GIGYF2: variants seen among roughly 807,000 people sequenced by gnomAD.
GIGYF2 encodes the protein GRB10 interacting GYF protein 2, also known as GRB10-interacting GYF protein 2.
Under a neutral mutation model 208.1 loss-of-function variants are expected in GIGYF2, and 25 were observed. That is an observed-to-expected ratio of 0.12 (90% CI 0.09 to 0.17). The LOEUF (loss-of-function observed/expected upper bound fraction) is 0.17, where lower values mean the gene tolerates loss of function less well. GIGYF2 is among the 10% of genes least tolerant of loss of function. GIGYF2 has a pLI of 1.00. For missense variants in GIGYF2, 1,302 were observed against 1,579.4 expected (o/e 0.82, Z 2.98); for synonymous variants, 534 against 543.8 (o/e 0.98, Z 0.25).
intron 8 of GIGYF2, among the ~76,000 whole-genome samples, chr2:232,769,848 T>G (rs550857227): frequency 3.2e-4 from 49 of 152,334 alleles, no homozygotes; most frequent in African/African-American, 1.1e-3. Context: ...GTACTATATG[T>G]GCCTTACTGA....
At chr2:232,843,930 C>A in intron 23 of GIGYF2, 116 bp from the exon 24 acceptor site, 1 of 878,654 alleles carries the variant, frequency 1.1e-6, no homozygotes, top group Non-Finnish European at 1.9e-6. Context: ...AATTTAATCC[C>A]ATCAAGTTAA....
At chr2:232,752,937 T>C (rs12105766) in intron 5 of GIGYF2, among the ~76,000 whole-genome samples, 100,037 of 151,768 alleles carry the variant, frequency 0.66, 33,300 homozygotes, top group South Asian at 0.79. Context: ...ACTCTGCCAC[T>C]TATTACTCTT....
chr2:232,853,293 A>T (rs1474140884), intron 28 of GIGYF2, among the ~76,000 whole-genome samples: 1 of 152,226 alleles, frequency 6.6e-6, no homozygotes, highest in East Asian at 1.9e-4. Flanking sequence ...ACAAACCAGC[A>T]GAGGGGGCCA....
chr2:232,743,147 T>A (rs907934692), intron 3 of GIGYF2, among the ~76,000 whole-genome samples: 2 of 152,116 alleles, frequency 1.3e-5, no homozygotes, highest in Admixed American at 1.3e-4. Flanking sequence ...CATGGTAGAA[T>A]TGGCAGTGTT....
intron 2 of GIGYF2, among the ~76,000 whole-genome samples, chr2:232,708,292 G>A (rs908113879): frequency 3.3e-5 from 5 of 152,106 alleles, no homozygotes; most frequent in Admixed American, 6.6e-5. Context: ...TTCCCATAAT[G>A]TATTATAAGA....
chr2:232,736,383 G>A (rs73995897), intron 3 of GIGYF2: 2,384 of 206,358 alleles, frequency 0.012, 70 homozygotes, highest in African/African-American at 0.053. Context: ...ATACCTTGGT[G>A]TATCTTTCCA....
intron 18 of GIGYF2, among the ~76,000 whole-genome samples, chr2:232,813,008 A>G (rs1311682027): frequency 1.3e-5 from 2 of 152,064 alleles, no homozygotes; most frequent in African/African-American, 4.8e-5. Flanking sequence ...GAAAGAAAAA[A>G]AAAAAAAGTA....
At chr2:232,821,688 T>C (rs946756573) in intron 21 of GIGYF2, among the ~76,000 whole-genome samples, 1 of 152,208 alleles carries the variant, frequency 6.6e-6, no homozygotes, top group Non-Finnish European at 1.5e-5. Flanking sequence ...TTTTTAATTT[T>C]GATGAAATCC....
intron 8 of GIGYF2, chr2:232,766,401 C>T (rs1165613800): frequency 6.1e-6 from 1 of 165,012 alleles, no homozygotes; most frequent in Non-Finnish European, 1.3e-5. Context: ...GGCAGCTTCA[C>T]TTAACAAGCG....
At chr2:232,700,570 T>C (rs1695798061) in intron 1 of GIGYF2, 1 of 152,244 alleles carries the variant, frequency 6.6e-6, no homozygotes, top group South Asian at 2.1e-4. Context: ...TTCTGTTTTA[T>C]TCTATTTCTT....
intron 14 of GIGYF2, among the ~76,000 whole-genome samples, chr2:232,799,143 T>TTTA (rs1700313257): frequency 6.6e-6 from 1 of 152,098 alleles, no homozygotes; most frequent in Admixed American, 6.6e-5. Flanking sequence ...TTTCCTTCCT[T>TTTA]TTTAAGACTG....
intron 3 of GIGYF2, chr2:232,735,840 C>G: frequency 1.0e-6 from 1 of 985,372 alleles, no homozygotes; most frequent in Non-Finnish European, 1.2e-6. Context: ...CCCCCCCTCC[C>G]CTCCTTCCTT....
At chr2:232,763,352 T>G (rs753540734) in intron 8 of GIGYF2, among the ~76,000 whole-genome samples, 4 of 152,136 alleles carry the variant, frequency 2.6e-5, no homozygotes, top group Non-Finnish European at 4.4e-5. Flanking sequence ...TTGTGGGAGA[T>G]ACATTTCAAG....
chr2:232,845,017 T>G (rs1336453110), intron 25 of GIGYF2, among the ~76,000 whole-genome samples: 1 of 152,232 alleles, frequency 6.6e-6, no homozygotes, highest in East Asian at 1.9e-4. Flanking sequence ...ATCTTCATCT[T>G]TCTTTCTTCA....
chr2:232,768,133 G>T, intron 8 of GIGYF2: 3 of 1,563,760 alleles, frequency 1.9e-6, no homozygotes, highest in Non-Finnish European at 2.6e-6. Flanking sequence ...ATACAGTAAA[G>T]AAAAAGTAGC....
intron 3 of GIGYF2, among the ~76,000 whole-genome samples, chr2:232,736,847 A>G (rs1225748822): frequency 6.6e-6 from 1 of 152,226 alleles, no homozygotes; most frequent in East Asian, 1.9e-4. Flanking sequence ...CAGCTAATTT[A>G]AGGAAGTTGT....
Position 232,844,424 on chromosome 2 carries a change from G to A in GIGYF2, c.3155G>A (p.Gly1052Asp). The A allele has an allele frequency of 6.2e-7, 1 of 1,613,628 alleles. No individual in the cohort carries two copies. Among genetic ancestry groups the A allele is most frequent in the Non-Finnish European group, 8.5e-7 (1 of 1,179,610 alleles). The change falls in exon 25 of 29, where the codon GGT (glycine) becomes GAT (aspartate). Residue 1052 changes from glycine to aspartate, a missense_variant. Coordinates refer to ENST00000373563, the MANE Select transcript of GIGYF2 (RefSeq NM_001103146.3). ...TCTGTTTGGGGCTCTATAAATACTGGTCCTCCTAACCAGTGGGCATCTGAC... is the reference window on the plus strand; with the variant it reads ...TCTGTTTGGGGCTCTATAAATACTGATCCTCCTAACCAGTGGGCATCTGAC... ...GNSVWGSINTGPPNQWASDLV... is the reference protein window; with the variant it reads ...GNSVWGSINTDPPNQWASDLV...
intron 25 of GIGYF2, 47 bp from the exon 26 acceptor site, chr2:232,845,685 A>G (rs924001383): frequency 2.7e-6 from 4 of 1,468,332 alleles, no homozygotes; most frequent in Non-Finnish European, 3.8e-6. Context: ...ATAATCATAT[A>G]GTAACAGTTT....
intron 23 of GIGYF2, 107 bp from the exon 24 acceptor site, chr2:232,843,939 A>T: frequency 1.0e-6 from 1 of 961,210 alleles, no homozygotes; most frequent in Non-Finnish European, 1.7e-6. Flanking sequence ...CCATCAAGTT[A>T]ATTTTATGTA....
Sources: gnomAD v4.1 joint callset for allele counts (sites outside exome capture counted in the v4.1 genomes callset) on GRCh38, gnomAD v4.1.1 for gene constraint, MANE v1.5 for transcripts, NCBI Gene and HGNC (gene_info 2026-07-23, HGNC 2026-07-21) for gene names.